Variants in MNDA observed in about 807,000 individuals in gnomAD.
MNDA encodes the protein epididymis secretory sperm binding protein.
MNDA carries 43 observed loss-of-function variants against 37.8 expected under a neutral mutation model. That is an observed-to-expected ratio of 1.14 (90% CI 0.89 to 1.47). The LOEUF (loss-of-function observed/expected upper bound fraction) is 1.47. Among genes scored for constraint, MNDA ranks in the 40% most tolerant of loss-of-function variants. MNDA has a pLI of 0.00. For synonymous variants in MNDA, 181 were observed against 169.0 expected, an observed-to-expected ratio of 1.07 and a Z score of -0.55; for missense variants, 536 against 476.0, an observed-to-expected ratio of 1.13 and a Z score of -1.17.
Position 158,843,996 on chromosome 1 carries a change from G to A in MNDA, c.444G>A (p.Arg148=), listed in dbSNP as rs140332455. 31 of 1,611,426 alleles carry A rather than the reference G, an allele frequency of 1.9e-5. No individual in the cohort carries two copies. The highest frequency in any genetic ancestry group is 1.7e-4 in the Middle Eastern group (1 of 6,038). ...ACAAAGAAAAGACTGAAGCCAAAAGGAATAAGGTGTCCCAAGAGCAGAGTA... is the reference window on the plus strand; with the variant it reads ...ACAAAGAAAAGACTGAAGCCAAAAGAAATAAGGTGTCCCAAGAGCAGAGTA... ...TPNKEKTEAK[R]NKVSQEQSKP... The change falls in exon 4 of 7, where the codon AGG becomes AGA. Residue 148 remains arginine, a synonymous_variant. Transcript: ENST00000368141.
intron 1 of MNDA, among the ~76,000 whole-genome samples, chr1:158,833,107 C>G (rs1196000274): frequency 3.3e-5 from 5 of 152,100 alleles, no homozygotes; most frequent in African/African-American, 1.2e-4. Context: ...TCATATAGTT[C>G]CTGTTTTCTT....
At chr1:158,848,181 A>G (rs1659178638) in intron 6 of MNDA, among the ~76,000 whole-genome samples, 1 of 152,192 alleles carries the variant, frequency 6.6e-6, no homozygotes, top group Non-Finnish European at 1.5e-5. Flanking sequence ...CTCAAGAGCA[A>G]GGGTTCTGAA....
chr1:158,837,476 C>T (rs1481425828), intron 1 of MNDA, among the ~76,000 whole-genome samples: 9 of 151,672 alleles, frequency 5.9e-5, no homozygotes, highest in Non-Finnish European at 1.2e-4. Flanking sequence ...TCTTATAACA[C>T]TTTTTGACTG....
At chr1:158,844,899 A>G (rs1034507839) in intron 4 of MNDA, among the ~76,000 whole-genome samples, 3 of 152,098 alleles carry the variant, frequency 2.0e-5, no homozygotes, top group Non-Finnish European at 2.9e-5. Context: ...ATTTGTTATT[A>G]TATTCTAATC....
intron 1 of MNDA, among the ~76,000 whole-genome samples, chr1:158,833,350 T>C (rs1658841474): frequency 6.6e-6 from 1 of 152,290 alleles, no homozygotes; most frequent in South Asian, 2.1e-4. Flanking sequence ...TAACATAAAA[T>C]GTGTCATCTT....
At chr1:158,834,902 C>T (rs1658877300) in intron 1 of MNDA, among the ~76,000 whole-genome samples, 1 of 152,172 alleles carries the variant, frequency 6.6e-6, no homozygotes, top group Admixed American at 6.5e-5. Flanking sequence ...GCCTTGACGT[C>T]CATGTCAAAA....
In MNDA at chr1:158,845,883, T is replaced by C. The variant is rs768725579; in HGVS notation, c.867T>C (p.Phe289=). ...AGGAAGCATCATCTGTGTCTGACTT[T>C]AATCAAAATTTTGAGGTCCCAAACA... ...EIKEASSVSD[F]NQNFEVPNRI... The change falls in exon 5 of 7, where the codon TTT becomes TTC. Residue 289 remains phenylalanine, a synonymous_variant. Coordinates refer to ENST00000368141, the MANE Select transcript of MNDA (RefSeq NM_002432.3). 117 of 1,614,088 alleles carry C rather than the reference T, an allele frequency of 7.2e-5. No homozygotes were observed. The highest frequency in any genetic ancestry group is 3.7e-4 in the Admixed American group (22 of 60,006).
chr1:158,843,183 G>C (rs942532798), intron 2 of MNDA, 96 bp from the exon 3 acceptor site: 1 of 1,452,018 alleles, frequency 6.9e-7, no homozygotes, highest in African/African-American at 1.4e-5. Context: ...CTCTCATGCA[G>C]GAGCTGACAG....
At chr1:158,840,090 G>A (rs961119801) in intron 1 of MNDA, among the ~76,000 whole-genome samples, 3 of 152,100 alleles carry the variant, frequency 2.0e-5, no homozygotes, top group Non-Finnish European at 4.4e-5. Context: ...ACTACTTAAT[G>A]CATACATTGT....
intron 4 of MNDA, 123 bp from the exon 5 acceptor site, chr1:158,845,464 T>A: frequency 1.1e-6 from 1 of 887,294 alleles, no homozygotes. Flanking sequence ...ATGGTCTCGA[T>A]CTTCTGACCT....
chr1:158,838,705 A>G (rs1387310202), intron 1 of MNDA, among the ~76,000 whole-genome samples: 2 of 152,062 alleles, frequency 1.3e-5, no homozygotes, highest in Non-Finnish European at 2.9e-5. Context: ...ACCTTTTCAG[A>G]CTTACATAAT....
chr1:158,844,142 C>T lies in MNDA; in HGVS notation c.570+20C>T. 4 of 1,519,236 alleles carry T rather than the reference C, an allele frequency of 2.6e-6. No homozygotes were observed. The highest frequency in any genetic ancestry group is 3.5e-6 in the Non-Finnish European group (4 of 1,130,290). 94.1% of individuals were successfully genotyped at this position (1,519,236 alleles called of 1,614,324 possible). ...ACTCCGGTACACTCTTCCTGGTCCTCTTCTCCATTTTTTTTTAACCCAGTC... is the reference window on the plus strand; with the variant it reads ...ACTCCGGTACACTCTTCCTGGTCCTTTTCTCCATTTTTTTTTAACCCAGTC... On this transcript the variant is annotated intron_variant, in intron 4 of 6. Coordinates refer to ENST00000368141, the MANE Select transcript of MNDA (RefSeq NM_002432.3).
intron 1 of MNDA, among the ~76,000 whole-genome samples, chr1:158,839,665 T>C (rs1235136719): frequency 1.3e-5 from 2 of 152,138 alleles, no homozygotes; most frequent in African/African-American, 2.4e-5. Context: ...AATTAGGAAG[T>C]TTCCTCCTGA....
At chr1:158,843,100 G>A (rs923626582) in intron 2 of MNDA, among the ~76,000 whole-genome samples, 179 bp from the exon 3 acceptor site, 1 of 152,186 alleles carries the variant, frequency 6.6e-6, no homozygotes, top group Non-Finnish European at 1.5e-5. Flanking sequence ...CAGTGCCTAT[G>A]CCTACCATGC....
At chr1:158,840,168 C>A (rs1261698788) in intron 1 of MNDA, among the ~76,000 whole-genome samples, 1 of 152,068 alleles carries the variant, frequency 6.6e-6, no homozygotes, top group Admixed American at 6.6e-5. Context: ...ATTAAGAGTT[C>A]TTCAACAAAT....
At chr1:158,839,943 A>G (rs550736714) in intron 1 of MNDA, among the ~76,000 whole-genome samples, 61 of 152,336 alleles carry the variant, frequency 4.0e-4, no homozygotes, top group Middle Eastern at 6.8e-3. Context: ...CATAACATTC[A>G]AATAACATTT....
intron 1 of MNDA, among the ~76,000 whole-genome samples, chr1:158,836,541 C>T (rs1658917864): frequency 1.3e-5 from 2 of 151,802 alleles, no homozygotes; most frequent in African/African-American, 4.8e-5. Context: ...AAAGTATTCT[C>T]TTTATTTCTG....
intron 1 of MNDA, among the ~76,000 whole-genome samples, chr1:158,839,914 A>G (rs1042437635): frequency 1.3e-5 from 2 of 152,220 alleles, no homozygotes; most frequent in African/African-American, 4.8e-5. Context: ...CTCAGTGAGA[A>G]GAGAACAATT....
Position 158,849,203 on chromosome 1 carries a change from A to C in MNDA, c.1190A>C (p.Lys397Thr), listed in dbSNP as rs768171362. 4.3e-6 allele frequency: 7 copies of C among 1,612,092 alleles called. No individual in the cohort carries two copies. The highest frequency in any genetic ancestry group is 1.7e-4 in the Middle Eastern group (1 of 6,046). The change falls in exon 7 of 7, where the codon AAG becomes ACG. Residue 397 changes from lysine (K) to threonine (T), a missense_variant. Lys to Thr is a moderately conservative substitution (Grantham distance 78). Coordinates refer to ENST00000368141, the MANE Select transcript of MNDA (RefSeq NM_002432.3). ...CTCTCTTTAAAGGTCATCAAGGCCA[A>C]GAAAAACAAGGAAGGACCAATGAAT... ...SHSFIKVIKA[K>T]KNKEGPMNVN
Sources: gnomAD v4.1 joint callset for allele counts (sites outside exome capture counted in the v4.1 genomes callset) on GRCh38, gnomAD v4.1.1 for gene constraint, MANE v1.5 for transcripts, NCBI Gene and HGNC (gene_info 2026-07-23, HGNC 2026-07-21) for gene names.